The following PIK3R5 variants were observed in gnomAD, a reference collection of about 807,000 sequenced individuals.
The protein encoded by PIK3R5 is phosphoinositide 3-kinase regulatory subunit 5.
In PIK3R5, 32 loss-of-function variants were observed where a neutral mutation model predicts 94.9. The ratio of observed to expected loss-of-function variants is 0.34; its 90% CI spans 0.25 to 0.45. The LOEUF (loss-of-function observed/expected upper bound fraction) is 0.45, where lower values mean the gene tolerates loss of function less well. Among genes scored for constraint, PIK3R5 ranks in the 20% least tolerant of loss-of-function variants. The pLI is 1.00. For synonymous variants in PIK3R5, 443 were observed against 479.4 expected, an observed-to-expected ratio of 0.92 and a Z score of 0.99; for missense variants, 853 against 1,144.6, an observed-to-expected ratio of 0.75 and a Z score of 3.68.
chr17:8,958,950 G>T lies in PIK3R5; in HGVS notation c.-14+6646C>A, dbSNP rs551013643. Among the ~76,000 whole-genome samples the T allele has an allele frequency of 9.2e-5, 14 of 152,204 alleles. No homozygotes were observed. The South Asian group carries it at 2.3e-3, about 25-fold the overall frequency. ...TATTTGTATTTTTAGTAGAGATGAG[G>T]TTTCTCCATGTTGGTCAGGCTGGTC... On this transcript the variant is annotated intron_variant, in intron 1 of 18. Coordinates refer to ENST00000447110, the MANE Select transcript of PIK3R5 (RefSeq NM_001142633.3).
chr17:8,962,923 C>T (rs1190689706), intron 1 of PIK3R5, among the ~76,000 whole-genome samples: 1 of 152,236 alleles, frequency 6.6e-6, no homozygotes, highest in Non-Finnish European at 1.5e-5. Flanking sequence ...TTAAACACCT[C>T]TCCCTTGACT....
At chr17:8,913,056 G>A (rs2090559252) in intron 1 of PIK3R5, among the ~76,000 whole-genome samples, 1 of 152,230 alleles carries the variant, frequency 6.6e-6, no homozygotes, top group South Asian at 2.1e-4. Context: ...CTTGGTGGGA[G>A]ACACAGACAC....
chr17:8,911,565 G>A lies in PIK3R5; in HGVS notation c.-13-58C>T. On this transcript the variant is annotated intron_variant, in intron 1 of 18. Transcript: ENST00000447110. This position sits in a 1 kb window ranked among gnomAD's most constrained non-coding sequence, Gnocchi z 5.3. ...GAGCTCCTTTCCCAGAGAGCACCTGGTCCAGTAAAGACAACAGGTGCTCAC... is the reference window on the plus strand; with the variant it reads ...GAGCTCCTTTCCCAGAGAGCACCTGATCCAGTAAAGACAACAGGTGCTCAC... 8.7e-7 allele frequency: 1 copy of A among 1,143,502 alleles called. No individual in the cohort carries two copies. The highest frequency in any genetic ancestry group is 1.3e-5 in the South Asian group (1 of 75,526). 70.8% of individuals were successfully genotyped at this position (1,143,502 alleles called of 1,614,324 possible).
chr17:8,917,083 G>T (rs2090644757), intron 1 of PIK3R5, among the ~76,000 whole-genome samples: 1 of 152,144 alleles, frequency 6.6e-6, no homozygotes, highest in Non-Finnish European at 1.5e-5. Flanking sequence ...GCCTTCATAA[G>T]GCAGAATCTC....
At chr17:8,964,660 A>C (rs946325669) in intron 1 of PIK3R5, among the ~76,000 whole-genome samples, 3 of 152,196 alleles carry the variant, frequency 2.0e-5, no homozygotes, top group African/African-American at 7.2e-5. Flanking sequence ...GGTTGGCTCC[A>C]AGAGAGCCCT....
At position 8,893,689 on chromosome 17, in the gene PIK3R5, A is replaced by G. The variant is rs1426619426; in HGVS notation, c.413-34T>C. 2 of 1,526,272 alleles carry G rather than the reference A, an allele frequency of 1.3e-6. No individual in the cohort carries two copies. Among genetic ancestry groups the G allele is most frequent in the South Asian group, 1.1e-5 (1 of 89,214 alleles). The allele number at this position is 1,526,272 out of a possible 1,614,324, so 94.5% of individuals were successfully genotyped here. On this transcript the variant is annotated intron_variant, in intron 5 of 18. Coordinates refer to ENST00000447110, the MANE Select transcript of PIK3R5 (RefSeq NM_001142633.3). The surrounding 1 kb of genome is among the most constrained non-coding windows in gnomAD (Gnocchi z 5.1). ...CAAGAAGAAAAGAGTTCATGGGCTG[A>G]TCAGTTCCTTCAGCATCGTCCGTGT...
At chr17:8,926,520 T>G (rs1021247268) in intron 1 of PIK3R5, among the ~76,000 whole-genome samples, 2 of 152,120 alleles carry the variant, frequency 1.3e-5, no homozygotes, top group African/African-American at 4.8e-5. Flanking sequence ...GGCCTCAGAA[T>G]CATAGCAGGA....
At chr17:8,952,779 C>A (rs937211077) in intron 1 of PIK3R5, among the ~76,000 whole-genome samples, 1 of 152,202 alleles carries the variant, frequency 6.6e-6, no homozygotes, top group Non-Finnish European at 1.5e-5. Flanking sequence ...CTGAGCAGAT[C>A]TTCGGAGTAA....
At chr17:8,887,375 G>T in intron 11 of PIK3R5, 146 bp downstream of exon 11, 1 of 1,332,908 alleles carries the variant, frequency 7.5e-7, no homozygotes, top group Non-Finnish European at 1.0e-6. Context: ...ATGGCAAAAT[G>T]TCATGTCCAA....
At chr17:8,948,188 G>C (rs1224448669) in intron 1 of PIK3R5, among the ~76,000 whole-genome samples, 1 of 152,020 alleles carries the variant, frequency 6.6e-6, no homozygotes, top group Non-Finnish European at 1.5e-5. Flanking sequence ...CGACGCATGA[G>C]AGAAAGCCGA....
chr17:8,920,324 T>G (rs2090714295), intron 1 of PIK3R5, among the ~76,000 whole-genome samples: 1 of 152,182 alleles, frequency 6.6e-6, no homozygotes, highest in South Asian at 2.1e-4. Flanking sequence ...TACACACACA[T>G]GCATACACAC....
chr17:8,940,081 T>G (rs1272407930), intron 1 of PIK3R5, among the ~76,000 whole-genome samples: 1 of 152,192 alleles, frequency 6.6e-6, no homozygotes, highest in Admixed American at 6.5e-5. Flanking sequence ...CTTGTATGAC[T>G]TCACAAGGGC....
intron 1 of PIK3R5, among the ~76,000 whole-genome samples, chr17:8,918,506 T>C (rs989772187): frequency 3.3e-5 from 5 of 152,210 alleles, no homozygotes; most frequent in Non-Finnish European, 7.3e-5. Flanking sequence ...TTAAATGTTA[T>C]AGATAATTGA....
chr17:8,963,072 C>T (rs2091594736), intron 1 of PIK3R5, among the ~76,000 whole-genome samples: 2 of 152,286 alleles, frequency 1.3e-5, no homozygotes, highest in African/African-American at 4.8e-5. Flanking sequence ...ACTGCAGCCT[C>T]GAACTCCTGG....
At chr17:8,900,139 T>C (rs2090248862) in intron 5 of PIK3R5, among the ~76,000 whole-genome samples, 1 of 152,176 alleles carries the variant, frequency 6.6e-6, no homozygotes. Context: ...AGGGCTTAGG[T>C]TCTTTAAAAT....
chr17:8,955,155 G>A lies in PIK3R5; in HGVS notation c.-14+10441C>T, dbSNP rs895499862. Among the ~76,000 whole-genome samples the A allele has an allele frequency of 1.9e-4, 29 of 152,074 alleles. No individual in the cohort carries two copies. The highest frequency in any genetic ancestry group is 6.5e-4 in the African/African-American group (27 of 41,398). On this transcript the variant is annotated intron_variant, in intron 1 of 18. Transcript: ENST00000447110. The surrounding 1 kb of genome is among the most constrained non-coding windows in gnomAD (Gnocchi z 4.4). ...GAGGGTCCTTGAGGGGAGGATGACC[G>A]AACCCCACAGAGGTCTCAGATGGGG...
In PIK3R5 at chr17:8,888,554, G is replaced by C. The variant is rs1380531904; in HGVS notation, c.1233C>G (p.Arg411=). 2 of 1,611,990 alleles carry C rather than the reference G, an allele frequency of 1.2e-6. No individual in the cohort carries two copies. The highest frequency in any genetic ancestry group is 3.3e-5 in the Admixed American group (2 of 59,918). Residue 411 remains arginine, a synonymous_variant, in exon 10 of 19, where the codon CGC becomes CGG. Coordinates refer to ENST00000447110, the MANE Select transcript of PIK3R5 (RefSeq NM_001142633.3). This position sits in a 1 kb window ranked among gnomAD's most constrained non-coding sequence, Gnocchi z 7.8. ...TCTGCCCAGGCCTGCGGTGGCCTCG[G>C]CGTTCCTGGCTGCCACGCCTCCAAG... is the stretch of plus-strand genomic sequence containing the variant. The part of the protein sequence containing the change: ...EWPWRRGSQE[R]RGHRRPGQKF...
At position 8,888,304 on chromosome 17, in the gene PIK3R5, G is replaced by C; in HGVS notation, c.1483C>G (p.Pro495Ala). Residue 495 changes from proline to alanine, a missense_variant, in exon 10 of 19, where the codon CCT becomes GCT. This residue lies in a region of PIK3R5 where 319 missense variants were observed against 339.8 expected (regional missense o/e 0.94). Coordinates refer to ENST00000447110, the MANE Select transcript of PIK3R5 (RefSeq NM_001142633.3). This position sits in a 1 kb window ranked among gnomAD's most constrained non-coding sequence, Gnocchi z 7.8. The part of the protein sequence containing the change: ...GTQLPSWLLA[P>A]ASRPQRRRPF... Reference sequence around the variant, plus strand: ...CGGCGGCGCTGGGGGCGTGAAGCAGGGGCCAGAAGCCAGCTGGGCAGCTGG... The same window carrying C: ...CGGCGGCGCTGGGGGCGTGAAGCAGCGGCCAGAAGCCAGCTGGGCAGCTGG... 1 of 1,613,120 alleles carries C rather than the reference G, an allele frequency of 6.2e-7. No homozygotes were observed. The highest frequency in any genetic ancestry group is 8.5e-7 in the Non-Finnish European group (1 of 1,179,808).
At chr17:8,957,201 G>A (rs909019379) in intron 1 of PIK3R5, among the ~76,000 whole-genome samples, 4 of 152,132 alleles carry the variant, frequency 2.6e-5, no homozygotes, top group African/African-American at 7.2e-5. Flanking sequence ...CCTTTCTCAC[G>A]GCTATCATTT....
Sources: gnomAD v4.1 joint callset for allele counts (sites outside exome capture counted in the v4.1 genomes callset) on GRCh38, gnomAD v4.1.1 for gene constraint, gnomAD v4.1.1 regional missense constraint, Gnocchi (gnomAD v3.1) non-coding constraint, MANE v1.5 for transcripts, NCBI Gene and HGNC (gene_info 2026-07-23, HGNC 2026-07-21) for gene names.